The following CSMD1 variants were observed in gnomAD, a reference collection of about 807,000 sequenced individuals.
The protein encoded by CSMD1 is CUB and Sushi multiple domains 1.
A neutral mutation model predicts 417.5 loss-of-function variants in CSMD1; 213 were observed. The ratio of observed to expected loss-of-function variants is 0.51; its 90% CI spans 0.46 to 0.57. The LOEUF is 0.57. Ranked by LOEUF, CSMD1 falls within the 20% of genes least tolerant of loss-of-function variation. CSMD1 has a pLI of 0.00. For missense variants in CSMD1, 6,923 were observed against 4,529.7 expected (o/e 1.53, Z -15.17); for synonymous variants, 2,862 against 1,736.8 (o/e 1.65, Z -16.11).
chr8:3,628,937 G>C (rs1258479677), intron 7 of CSMD1, among the ~76,000 whole-genome samples: 1 of 151,972 alleles, frequency 6.6e-6, no homozygotes, highest in African/African-American at 2.4e-5. Context: ...AAAAGAGTAG[G>C]AATGAGAAAC....
chr8:4,015,742 G>C (rs1336989589), intron 4 of CSMD1, among the ~76,000 whole-genome samples: 1 of 149,956 alleles, frequency 6.7e-6, no homozygotes, highest in Non-Finnish European at 1.5e-5. Flanking sequence ...CTGACAATGT[G>C]TTTTGACATG....
chr8:3,919,415 T>C (rs1010041100), intron 5 of CSMD1, among the ~76,000 whole-genome samples: 12 of 152,096 alleles, frequency 7.9e-5, no homozygotes, highest in African/African-American at 2.9e-4. Context: ...ATTGTGTCTT[T>C]TTGGCATGTT....
At chr8:3,896,429 T>A (rs992349763) in intron 5 of CSMD1, among the ~76,000 whole-genome samples, 3 of 152,102 alleles carry the variant, frequency 2.0e-5, no homozygotes, top group Non-Finnish European at 4.4e-5. Flanking sequence ...ACATGTAATG[T>A]CTCCAAAACG....
At chr8:4,082,398 C>T (rs1172631164) in intron 3 of CSMD1, among the ~76,000 whole-genome samples, 2 of 152,078 alleles carry the variant, frequency 1.3e-5, no homozygotes, top group East Asian at 1.9e-4. Flanking sequence ...TTAAAAACAA[C>T]TACAACAAAA....
In CSMD1 at chr8:3,677,298, T is replaced by C. The variant is rs148914375; in HGVS notation, c.1009+31116A>G. Among the ~76,000 whole-genome samples the C allele has an allele frequency of 3.4e-3, 513 of 152,318 alleles. 1 individual carries two copies. The highest frequency in any genetic ancestry group is 9.6e-3 in the African/African-American group (399 of 41,568). ...GGAAAGTTATGGTTCCAACTAATGA[T>C]TGATGTAACAAAATGACTTAATAAC... On this transcript the variant is annotated intron_variant, in intron 7 of 69. Transcript: ENST00000635120.
intron 7 of CSMD1, among the ~76,000 whole-genome samples, chr8:3,668,435 G>A (rs573821502): frequency 2.0e-5 from 3 of 152,290 alleles, no homozygotes; most frequent in African/African-American, 7.2e-5. Flanking sequence ...GTAAGCTGAA[G>A]AGATGAGGGT....
intron 5 of CSMD1, among the ~76,000 whole-genome samples, chr8:3,922,548 G>C (rs2554626): frequency 0.033 from 4,959 of 151,964 alleles, 249 homozygotes; most frequent in African/African-American, 0.11. Context: ...ACCTACTAGA[G>C]TTTTTGATTT....
rs370231926 is a variant in CSMD1 at position 4,711,288 on chromosome 8, C to T, written c.86-73730G>A. Among the ~76,000 whole-genome samples the T allele has an allele frequency of 6.6e-5, 10 of 152,080 alleles. No individual in the cohort carries two copies. The East Asian group carries it at 1.9e-3, about 29-fold the overall frequency. On this transcript the variant is annotated intron_variant, in intron 1 of 69. Coordinates refer to ENST00000635120, the MANE Select transcript of CSMD1 (RefSeq NM_033225.6). ...CTTATAAAAGAGCACTTGTTTAGGT[C>T]ATTTTCTATTTATCCAATAAACTGA... is the stretch of plus-strand genomic sequence containing the variant.
In CSMD1 at chr8:3,929,829, T is replaced by G. The variant is rs544241813; in HGVS notation, c.818+68074A>C. 1.7e-3 allele frequency among the ~76,000 whole-genome samples: 251 copies of G among 149,602 alleles called. 11 individuals are homozygous for G. The highest frequency in any genetic ancestry group is 5.7e-3 in the African/African-American group (229 of 40,510). On this transcript the variant is annotated intron_variant, in intron 5 of 69. Transcript: ENST00000635120. ...GGCACATGCCACCATGCCTGGCTAA[T>G]TTTTGTGTTTTTAGTAGAGACGCGG...
chr8:4,622,137 A>G (rs1259971210), intron 2 of CSMD1, among the ~76,000 whole-genome samples: 2 of 151,694 alleles, frequency 1.3e-5, no homozygotes, highest in African/African-American at 4.8e-5. Flanking sequence ...CGATTAATTT[A>G]TAGAAGATTA....
At chr8:3,097,781 C>T (rs1815425251) in intron 46 of CSMD1, among the ~76,000 whole-genome samples, 1 of 152,124 alleles carries the variant, frequency 6.6e-6, no homozygotes, top group Admixed American at 6.5e-5. Context: ...AACTACTGTA[C>T]TTAGCATAGT....
chr8:4,341,307 A>C (rs908048955), intron 3 of CSMD1, among the ~76,000 whole-genome samples: 1 of 152,110 alleles, frequency 6.6e-6, no homozygotes, highest in African/African-American at 2.4e-5. Context: ...TATATTAAGC[A>C]ATCAATCATA....
intron 2 of CSMD1, among the ~76,000 whole-genome samples, chr8:4,464,666 G>T (rs1800048961): frequency 6.6e-6 from 1 of 152,276 alleles, no homozygotes; most frequent in East Asian, 1.9e-4. Flanking sequence ...GGGGCCGCCT[G>T]TAGTCAATCC....
chr8:3,050,375 T>C (rs1352029357), intron 50 of CSMD1, among the ~76,000 whole-genome samples: 5 of 152,224 alleles, frequency 3.3e-5, no homozygotes, highest in Non-Finnish European at 7.3e-5. Flanking sequence ...AGATAAGCTA[T>C]TTGAAATATT....
Position 4,831,838 on chromosome 8 carries a change from A to T in CSMD1, c.85+162494T>A. Among the ~76,000 whole-genome samples, 3 of 152,112 alleles carry T rather than the reference A, an allele frequency of 2.0e-5. No homozygotes were observed. In the South Asian group the frequency reaches 6.2e-4, roughly 32 times the overall value. On this transcript the variant is annotated intron_variant, in intron 1 of 69. Coordinates refer to ENST00000635120, the MANE Select transcript of CSMD1 (RefSeq NM_033225.6). The stretch of plus-strand genomic sequence containing the variant: ...ACCCCCTCCCCTGACACTCAAAGAC[A>T]AAGCACAGTGTGTGCCACATCCAGA...
At chr8:3,964,716 C>T (rs1812555310) in intron 5 of CSMD1, among the ~76,000 whole-genome samples, 1 of 152,164 alleles carries the variant, frequency 6.6e-6, no homozygotes, top group Admixed American at 6.5e-5. Flanking sequence ...GCTTCAAAAT[C>T]CATTGCAATG....
At chr8:3,772,889 T>C (rs1264087166) in intron 5 of CSMD1, among the ~76,000 whole-genome samples, 1 of 151,850 alleles carries the variant, frequency 6.6e-6, no homozygotes, top group Non-Finnish European at 1.5e-5. Context: ...ACAATGAAAA[T>C]ATCACAGATG....
At chr8:4,166,480 T>C (rs1011138268) in intron 3 of CSMD1, among the ~76,000 whole-genome samples, 1 of 152,168 alleles carries the variant, frequency 6.6e-6, no homozygotes, top group Admixed American at 6.5e-5. Context: ...TTGGAGGCCA[T>C]TACCCTAAGT....
intron 3 of CSMD1, among the ~76,000 whole-genome samples, chr8:4,094,105 C>T (rs1585300559): frequency 6.6e-6 from 1 of 152,112 alleles, no homozygotes; most frequent in Non-Finnish European, 1.5e-5. Flanking sequence ...AGGAAAACGG[C>T]TTCCCCAACA....
Sources: allele counts gnomAD v4.1 joint callset (sites outside exome capture counted in the v4.1 genomes callset), GRCh38; gene constraint gnomAD v4.1.1; transcripts MANE v1.5; gene names NCBI Gene and HGNC (gene_info 2026-07-23, HGNC 2026-07-21).